Variants in STRN observed in about 807,000 individuals in gnomAD.
STRN encodes the protein striatin.
In STRN, 53 loss-of-function variants were observed where a neutral mutation model predicts 96.3. That is an observed-to-expected ratio of 0.55 (90% confidence interval 0.44 to 0.69). The LOEUF (loss-of-function observed/expected upper bound fraction) is 0.69. STRN is among the 30% of genes least tolerant of loss of function. The probability of loss-of-function intolerance (pLI) is 0.00; values close to 1 mark genes in which losing one functional copy is unlikely to be tolerated. For synonymous variants in STRN, 428 were observed against 355.9 expected (o/e 1.20, Z -2.28); for missense variants, 987 against 963.9 (o/e 1.02, Z -0.32).
At chr2:36,884,102 G>A (rs752758029) in intron 8 of STRN, 27 bp from the exon 9 acceptor site, 3 of 1,315,500 alleles carry the variant, frequency 2.3e-6, no homozygotes, top group Non-Finnish European at 2.0e-6. Context: ...GGGGTGGGAG[G>A]AGATAAAAAA....
At chr2:36,915,204 A>AC in intron 3 of STRN, among the ~76,000 whole-genome samples, 1 of 143,026 alleles carries the variant, frequency 7.0e-6, no homozygotes, top group African/African-American at 2.5e-5. Flanking sequence ...CTCAAAAAAA[A>AC]AAAAAGGAAA....
At chr2:36,908,159 T>A (rs1669871378) in intron 3 of STRN, among the ~76,000 whole-genome samples, 1 of 152,164 alleles carries the variant, frequency 6.6e-6, no homozygotes, top group South Asian at 2.1e-4. Context: ...ACTTGCCAAG[T>A]AAAAACATTT....
At position 36,887,608 on chromosome 2, in the gene STRN, C is replaced by T. The variant is rs1468384212; in HGVS notation, c.932-782G>A. Among the ~76,000 whole-genome samples, 6 of 152,156 alleles carry T rather than the reference C, an allele frequency of 3.9e-5. No individual in the cohort carries two copies. The East Asian group carries it at 1.2e-3, about 29-fold the overall frequency. On this transcript the variant is annotated intron_variant, in intron 7 of 17. Coordinates refer to ENST00000263918, the MANE Select transcript of STRN (RefSeq NM_003162.4). The stretch of plus-strand genomic sequence containing the variant: ...ATTGTACAAAATAAACGCCAATGAT[C>T]TTTTAAAGAAGTTTATATTTTTGCC...
At chr2:36,857,538 C>A (rs973313122) in intron 14 of STRN, among the ~76,000 whole-genome samples, 2 of 151,514 alleles carry the variant, frequency 1.3e-5, no homozygotes, top group Non-Finnish European at 2.9e-5. Flanking sequence ...ATTAGCTGAG[C>A]GTGGTGGTGT....
At chr2:36,886,019 C>A (rs1204839264) in intron 8 of STRN, among the ~76,000 whole-genome samples, 2 of 152,016 alleles carry the variant, frequency 1.3e-5, no homozygotes, top group African/African-American at 4.8e-5. Flanking sequence ...TAACTAGATC[C>A]ATTGCTAAAC....
chr2:36,848,698 T>C lies in STRN; in HGVS notation c.*758A>G, dbSNP rs752576218. Reference sequence around the variant, plus strand: ...TCAAACCTGAATAAGTTAAATCTGTTAGTAAAAGCAGAGTCGATCAACTAT... The same window carrying C: ...TCAAACCTGAATAAGTTAAATCTGTCAGTAAAAGCAGAGTCGATCAACTAT... On this transcript the variant is annotated 3_prime_UTR_variant, in exon 18 of 18. Transcript: ENST00000263918. 6.6e-6 allele frequency: 1 copy of C among 152,188 alleles called. No individual in the cohort carries two copies. The highest frequency in any genetic ancestry group is 2.1e-4 in the South Asian group (1 of 4,834). 9.4% of individuals were successfully genotyped at this position (152,188 alleles called of 1,614,324 possible). A position where few individuals can be genotyped will look rare whatever the true frequency, so the allele number is the denominator to read the frequency against.
At chr2:36,895,701 G>A (rs1669522644) in intron 6 of STRN, among the ~76,000 whole-genome samples, 1 of 150,932 alleles carries the variant, frequency 6.6e-6, no homozygotes, top group Admixed American at 6.6e-5. Flanking sequence ...CACGAGGTCA[G>A]GAGGTGGAGA....
intron 13 of STRN, among the ~76,000 whole-genome samples, chr2:36,860,077 G>C (rs1668437540): frequency 1.3e-5 from 2 of 152,198 alleles, no homozygotes; most frequent in Admixed American, 1.3e-4. Flanking sequence ...TCCTTGACCA[G>C]AATGGAAGAT....
intron 4 of STRN, 112 bp downstream of exon 4, chr2:36,905,428 G>A: frequency 1.1e-6 from 1 of 907,060 alleles, no homozygotes; most frequent in South Asian, 1.6e-5. Flanking sequence ...CTTTTTCACA[G>A]CATCTGTATG....
chr2:36,883,913 G>C lies in STRN; in HGVS notation c.1186+19C>G. ...ACATCCAAGTGCATTTTGTGCTCCA[G>C]AGTATCTTAAATACTTACCTTCATC... On this transcript the variant is annotated intron_variant, in intron 9 of 17. Coordinates refer to ENST00000263918, the MANE Select transcript of STRN (RefSeq NM_003162.4). The C allele has an allele frequency of 7.5e-7, 1 of 1,330,698 alleles. No homozygotes were observed. Among genetic ancestry groups the C allele is most frequent in the Non-Finnish European group, 9.7e-7 (1 of 1,031,624 alleles). 82.4% of individuals were successfully genotyped at this position (1,330,698 alleles called of 1,614,324 possible).
At position 36,846,385 on chromosome 2, in the gene STRN, G is replaced by GTTTA. The variant is rs1668073923; in HGVS notation, c.*3067_*3070dup. 3.8e-5 allele frequency: 1 copy of GTTTA among 26,024 alleles called. No homozygotes were observed. Among genetic ancestry groups the GTTTA allele is most frequent in the African/African-American group, 2.0e-4 (1 of 5,072 alleles). 1.6% of individuals were successfully genotyped at this position (26,024 alleles called of 1,614,324 possible). A position where few individuals can be genotyped will look rare whatever the true frequency, so the allele number is the denominator to read the frequency against. On this transcript the variant is annotated 3_prime_UTR_variant, in exon 18 of 18. Coordinates refer to ENST00000263918, the MANE Select transcript of STRN (RefSeq NM_003162.4). ...TACAAAACAGTAAAATGCACCTATG[G>GTTTA]TTTATATATATATATATATATATAT...
chr2:36,861,890 G>A (rs894390583), intron 12 of STRN, among the ~76,000 whole-genome samples: 2 of 152,104 alleles, frequency 1.3e-5, no homozygotes, highest in Non-Finnish European at 2.9e-5. Context: ...AGCATAGTAC[G>A]CAATGGGTAG....
chr2:36,851,407 C>T (rs1293230911), intron 15 of STRN, among the ~76,000 whole-genome samples: 2 of 151,896 alleles, frequency 1.3e-5, no homozygotes, highest in African/African-American at 4.8e-5. Flanking sequence ...CACTTGAACC[C>T]GGGAGATGGA....
chr2:36,849,769 T>C lies in STRN; in HGVS notation c.2118A>G (p.Leu706=). 1 of 1,614,170 alleles carries C rather than the reference T, an allele frequency of 6.2e-7. No homozygotes were observed. The highest frequency in any genetic ancestry group is 1.1e-5 in the South Asian group (1 of 91,082). ...CAACTGCTAAACTTGTAACAGCTTC[T>C]AGGTGGGCTACCATCGAGTGGATCA... is the stretch of plus-strand genomic sequence containing the variant. The part of the protein sequence containing the change: ...GKLIHSMVAH[L]EAVTSLAVDP... Residue 706 remains leucine, a synonymous_variant, in exon 17 of 18, where the codon CTA becomes CTG. Transcript: ENST00000263918.
At chr2:36,860,580 C>G (rs1047773828) in intron 13 of STRN, among the ~76,000 whole-genome samples, 1 of 152,130 alleles carries the variant, frequency 6.6e-6, no homozygotes, top group Non-Finnish European at 1.5e-5. Flanking sequence ...ATAGTTTTTA[C>G]AAATGAATCT....
At chr2:36,905,103 G>A (rs1669788383) in intron 4 of STRN, among the ~76,000 whole-genome samples, 1 of 151,838 alleles carries the variant, frequency 6.6e-6, no homozygotes, top group African/African-American at 2.4e-5. Context: ...CCAAGAAGCT[G>A]GGATTACAGG....
intron 10 of STRN, among the ~76,000 whole-genome samples, chr2:36,874,682 T>G (rs1282320321): frequency 2.0e-5 from 1 of 51,198 alleles, no homozygotes. Flanking sequence ...GCAGAAAACA[T>G]AAAAACAAAG....
chr2:36,926,669 TA>T (rs1670418965), intron 1 of STRN, among the ~76,000 whole-genome samples: 1 of 152,204 alleles, frequency 6.6e-6, no homozygotes. Flanking sequence ...GGTAGTTTGT[TA>T]GGCTTTTGTT....
intron 5 of STRN, 86 bp downstream of exon 5, chr2:36,902,498 C>G (rs1388935900): frequency 2.8e-6 from 3 of 1,070,540 alleles, no homozygotes; most frequent in Non-Finnish European, 3.9e-6. Flanking sequence ...ATGTCACTAC[C>G]TAAAAGTACA....
Sources: gnomAD v4.1 joint callset for allele counts (sites outside exome capture counted in the v4.1 genomes callset) on GRCh38, gnomAD v4.1.1 for gene constraint, MANE v1.5 for transcripts, NCBI Gene and HGNC (gene_info 2026-07-23, HGNC 2026-07-21) for gene names.